The following HS3ST3A1 variants were observed in gnomAD, a reference collection of about 807,000 sequenced individuals.
HS3ST3A1 encodes heparan sulfate-glucosamine 3-sulfotransferase 3A1.
In HS3ST3A1, 19 loss-of-function variants were observed where a neutral mutation model predicts 25.7. The ratio of observed to expected loss-of-function variants is 0.74; its 90% CI spans 0.52 to 1.08. The LOEUF (loss-of-function observed/expected upper bound fraction) is 1.08. Ranked by LOEUF, HS3ST3A1 falls within the 50% of genes least tolerant of loss-of-function variation. HS3ST3A1 has a pLI of 0.00. For synonymous variants in HS3ST3A1, 226 were observed against 278.6 expected (o/e 0.81, Z 1.88); for missense variants, 459 against 594.3 (o/e 0.77, Z 2.37).
At chr17:13,523,325 C>A (rs1598413323) in intron 1 of HS3ST3A1, among the ~76,000 whole-genome samples, 1 of 148,060 alleles carries the variant, frequency 6.8e-6, no homozygotes, top group Non-Finnish European at 1.5e-5. Flanking sequence ...GAGCAGGAAA[C>A]TGGATCAGTT....
intron 1 of HS3ST3A1, among the ~76,000 whole-genome samples, chr17:13,577,345 C>T (rs934824096): frequency 1.3e-5 from 2 of 152,232 alleles, no homozygotes; most frequent in Admixed American, 6.5e-5. Context: ...TCTTGCTAGT[C>T]TCCAGTTCTC....
intron 1 of HS3ST3A1, among the ~76,000 whole-genome samples, chr17:13,535,661 A>T (rs1362709840): frequency 1.8e-4 from 9 of 50,530 alleles, no homozygotes; most frequent in African/African-American, 1.3e-3. Context: ...TGGATGTATA[A>T]AAAAAAAGAA....
chr17:13,597,612 T>C (rs977382142), intron 1 of HS3ST3A1, among the ~76,000 whole-genome samples: 32 of 152,306 alleles, frequency 2.1e-4, no homozygotes, highest in African/African-American at 6.3e-4. Context: ...TCTCAGCATA[T>C]AAAAATTTGC....
chr17:13,569,452 G>A (rs1286399044), intron 1 of HS3ST3A1, among the ~76,000 whole-genome samples: 1 of 152,120 alleles, frequency 6.6e-6, no homozygotes, highest in Non-Finnish European at 1.5e-5. Context: ...GTGAACAGAG[G>A]CTAGGCATCC....
chr17:13,573,964 G>C (rs1243562460), intron 1 of HS3ST3A1, among the ~76,000 whole-genome samples: 1 of 152,054 alleles, frequency 6.6e-6, no homozygotes, highest in Middle Eastern at 3.2e-3. Flanking sequence ...CCACGCCTTG[G>C]TCTTAGACTT....
chr17:13,581,258 G>A lies in HS3ST3A1; in HGVS notation c.599+19273C>T, dbSNP rs544441495. Among the ~76,000 whole-genome samples, 302 of 152,206 alleles carry A rather than the reference G, an allele frequency of 2.0e-3. 1 individual carries two copies. The highest frequency in any genetic ancestry group is 6.7e-3 in the African/African-American group (280 of 41,540). On this transcript the variant is annotated intron_variant, in intron 1 of 1. Coordinates refer to ENST00000284110, the MANE Select transcript of HS3ST3A1 (RefSeq NM_006042.3). ...GCAGTGGGTGGATCACCTGAGGTCAGGAGTTGAAGACCAGCCTGGCCAACA... is the reference window on the plus strand; with the variant it reads ...GCAGTGGGTGGATCACCTGAGGTCAAGAGTTGAAGACCAGCCTGGCCAACA...
At chr17:13,590,353 GACT>G (rs1011409732) in intron 1 of HS3ST3A1, among the ~76,000 whole-genome samples, 6 of 149,718 alleles carry the variant, frequency 4.0e-5, no homozygotes, top group African/African-American at 1.5e-4. Context: ...ACTATGCTAC[GACT>G]GGTTCCATTC....
intron 1 of HS3ST3A1, among the ~76,000 whole-genome samples, chr17:13,578,715 C>G (rs184533499): frequency 1.3e-5 from 2 of 151,994 alleles, no homozygotes; most frequent in East Asian, 3.9e-4. Context: ...TAATACTGAA[C>G]GAATGAATGT....
At chr17:13,519,915 C>G (rs1381997061) in intron 1 of HS3ST3A1, among the ~76,000 whole-genome samples, 1 of 152,110 alleles carries the variant, frequency 6.6e-6, no homozygotes, top group African/African-American at 2.4e-5. Context: ...AGTCTTCTCC[C>G]GTGTGAAGCA....
At chr17:13,578,341 A>T (rs1908000080) in intron 1 of HS3ST3A1, among the ~76,000 whole-genome samples, 1 of 148,880 alleles carries the variant, frequency 6.7e-6, no homozygotes, top group Admixed American at 6.8e-5. Flanking sequence ...TGAGGTCTGG[A>T]GTTCAAGACC....
At chr17:13,522,819 TCA>T (rs141573232) in intron 1 of HS3ST3A1, among the ~76,000 whole-genome samples, 16 of 139,274 alleles carry the variant, frequency 1.1e-4, no homozygotes, top group South Asian at 2.3e-4. Context: ...AGCTTCATAA[TCA>T]CACACACACA....
At chr17:13,502,678 T>G (rs1905519158) in intron 1 of HS3ST3A1, among the ~76,000 whole-genome samples, 1 of 152,160 alleles carries the variant, frequency 6.6e-6, no homozygotes, top group South Asian at 2.1e-4. Context: ...TTTTAACCAA[T>G]GATATTTGGT....
chr17:13,497,111 G>A (rs1287157694), intron 1 of HS3ST3A1, among the ~76,000 whole-genome samples: 6 of 152,152 alleles, frequency 3.9e-5, no homozygotes, highest in African/African-American at 1.4e-4. Context: ...TTAAGTTTCT[G>A]TGTTTTATTA....
At chr17:13,521,747 T>C (rs1488105502) in intron 1 of HS3ST3A1, among the ~76,000 whole-genome samples, 3 of 152,200 alleles carry the variant, frequency 2.0e-5, no homozygotes, top group Non-Finnish European at 2.9e-5. Context: ...TATCATATTG[T>C]TACAGGCAAT....
chr17:13,575,126 C>T (rs1423708700), intron 1 of HS3ST3A1, among the ~76,000 whole-genome samples: 1 of 152,078 alleles, frequency 6.6e-6, no homozygotes, highest in East Asian at 1.9e-4. Context: ...ATACCAAGGC[C>T]ACTCTTGCTT....
chr17:13,549,855 A>T (rs1907194784), intron 1 of HS3ST3A1, among the ~76,000 whole-genome samples: 1 of 152,146 alleles, frequency 6.6e-6, no homozygotes, highest in South Asian at 2.1e-4. Flanking sequence ...CTCATAACTG[A>T]ATTAGTTATT....
At chr17:13,590,885 A>G (rs570364584) in intron 1 of HS3ST3A1, among the ~76,000 whole-genome samples, 1 of 150,450 alleles carries the variant, frequency 6.6e-6, no homozygotes, top group Admixed American at 6.6e-5. Context: ...TGGCTCAGCA[A>G]GGTTCCGGGA....
intron 1 of HS3ST3A1, among the ~76,000 whole-genome samples, chr17:13,500,111 T>A (rs965865384): frequency 6.6e-6 from 1 of 152,188 alleles, no homozygotes; most frequent in Non-Finnish European, 1.5e-5. Context: ...TTTTCATACA[T>A]TTTTATTGCA....
At chr17:13,521,209 TC>T (rs1906224806) in intron 1 of HS3ST3A1, among the ~76,000 whole-genome samples, 1 of 152,330 alleles carries the variant, frequency 6.6e-6, no homozygotes, top group African/African-American at 2.4e-5. Context: ...TGCTTTCAGA[TC>T]CTTTGCTAAT....
Sources: allele counts gnomAD v4.1 joint callset (sites outside exome capture counted in the v4.1 genomes callset), GRCh38; gene constraint gnomAD v4.1.1; transcripts MANE v1.5; gene names NCBI Gene and HGNC (gene_info 2026-07-23, HGNC 2026-07-21).